Variants in CAPN5 observed in about 807,000 individuals in gnomAD.
CAPN5 encodes calpain-5.
In CAPN5, 54 loss-of-function variants were observed where a neutral mutation model predicts 73.0. The observed-to-expected ratio is 0.74, with a 90% CI of 0.59 to 0.93. The LOEUF (loss-of-function observed/expected upper bound fraction) is 0.93. Ranked by LOEUF, CAPN5 falls within the 40% of genes least tolerant of loss-of-function variation. CAPN5 has a pLI of 0.00. For synonymous variants in CAPN5, 335 were observed against 356.9 expected (o/e 0.94, Z 0.69); for missense variants, 785 against 882.9 (o/e 0.89, Z 1.41).
intron 12 of CAPN5, among the ~76,000 whole-genome samples, chr11:77,123,289 G>GT (rs1436928986): frequency 6.6e-6 from 1 of 152,184 alleles, no homozygotes; most frequent in Non-Finnish European, 1.5e-5. Context: ...GCTTATCCAA[G>GT]TTTTCTTAAC....
chr11:77,093,381 C>G (rs1404155831), intron 2 of CAPN5, among the ~76,000 whole-genome samples: 1 of 152,208 alleles, frequency 6.6e-6, no homozygotes, highest in Non-Finnish European at 1.5e-5. Flanking sequence ...AAGGCAGTGC[C>G]CCGGGTCCAG....
rs184564362 is a variant in CAPN5 at position 77,115,557 on chromosome 11, G to A, written c.862G>A (p.Glu288Lys). The change falls in exon 6 of 13, where the codon GAG (glutamate) becomes AAG (lysine). Residue 288 changes from glutamate (E) to lysine (K), a missense_variant. Glu to Lys is a moderately conservative substitution (Grantham distance 56). Transcript: ENST00000648180. ...GATCCGCCTGCGCAACCCCTGGGGCGAGCGGGAGTGGAACGGGCCCTGGAG... is the reference window on the plus strand; with the variant it reads ...GATCCGCCTGCGCAACCCCTGGGGCAAGCGGGAGTGGAACGGGCCCTGGAG... ...DMIRLRNPWG[E>K]REWNGPWSDT... 3.8e-5 allele frequency: 61 copies of A among 1,612,416 alleles called. No individual in the cohort carries two copies. Among genetic ancestry groups the A allele is most frequent in the Admixed American group, 3.3e-4 (20 of 60,020 alleles).
intron 11 of CAPN5, among the ~76,000 whole-genome samples, 182 bp from the exon 12 acceptor site, chr11:77,122,394 G>A (rs1591151626): frequency 1.3e-5 from 2 of 152,296 alleles, no homozygotes; most frequent in Middle Eastern, 6.8e-3. Context: ...GGAGGCTGGA[G>A]ATGGCCAGTG....
intron 9 of CAPN5, 90 bp downstream of exon 9, chr11:77,119,242 C>T: frequency 7.2e-7 from 1 of 1,393,594 alleles, no homozygotes. Flanking sequence ...CGCTCTAGAA[C>T]ACCTTGGTCA....
chr11:77,078,281 G>T (rs562386403), intron 1 of CAPN5, among the ~76,000 whole-genome samples: 1 of 152,282 alleles, frequency 6.6e-6, no homozygotes, highest in Admixed American at 6.5e-5. Flanking sequence ...TCTGCGTGTG[G>T]ATATCTGGTT....
Position 77,123,791 on chromosome 11 carries a change from G to A in CAPN5, c.1844G>A (p.Arg615Gln), listed in dbSNP as rs143494790. Residue 615 changes from arginine to glutamine, a missense_variant, in exon 13 of 13, where the codon CGA (arginine) becomes CAA (glutamine). Arg to Gln is a conservative substitution (Grantham distance 43). Coordinates refer to ENST00000648180, the MANE Select transcript of CAPN5 (RefSeq NM_004055.5). ...QALHTLHLRD[R>Q]NSRQPSNLPG... ...CTGCATACCCTCCACCTCCGGGACC[G>A]AAATAGCCGGCAGCCCAGCAACCTG... is the stretch of plus-strand genomic sequence containing the variant. The A allele has an allele frequency of 3.9e-4, 622 of 1,613,880 alleles. 2 individuals carry two copies. The African/African-American group carries it at 6.0e-3, about 15-fold the overall frequency.
At chr11:77,069,231 A>G (rs184286863) in intron 1 of CAPN5, among the ~76,000 whole-genome samples, 1 of 152,234 alleles carries the variant, frequency 6.6e-6, no homozygotes, top group Non-Finnish European at 1.5e-5. Context: ...CTGCCTATTC[A>G]CAGGGACTCG....
intron 6 of CAPN5, among the ~76,000 whole-genome samples, chr11:77,115,840 G>C (rs529345138): frequency 5.8e-4 from 88 of 152,128 alleles, no homozygotes; most frequent in Non-Finnish European, 7.2e-4. Flanking sequence ...AGGGGAGCAG[G>C]GAGGGAGGCC....
chr11:77,082,429 T>C (rs781800716), intron 1 of CAPN5, among the ~76,000 whole-genome samples: 10 of 152,190 alleles, frequency 6.6e-5, no homozygotes, highest in Non-Finnish European at 1.5e-4. Context: ...TGCCTCCTGG[T>C]CTATCCGTGG....
At chr11:77,072,314 G>T (rs1295006914) in intron 1 of CAPN5, among the ~76,000 whole-genome samples, 1 of 152,168 alleles carries the variant, frequency 6.6e-6, no homozygotes, top group East Asian at 1.9e-4. Context: ...CCTCCATGCA[G>T]CCGTCCCTGC....
At position 77,093,583 on chromosome 11, in the gene CAPN5, A is replaced by AGTCTGTGTCTGTCAC. The variant is rs3832735; in HGVS notation, c.166-84_166-70dup. 632 of 1,438,776 alleles carry AGTCTGTGTCTGTCAC rather than the reference A, an allele frequency of 4.4e-4. 8 individuals are homozygous for AGTCTGTGTCTGTCAC. The African/African-American group carries it at 7.7e-3, about 18-fold the overall frequency. 89.1% of individuals were successfully genotyped at this position (1,438,776 alleles called of 1,614,324 possible). A position where few individuals can be genotyped will look rare whatever the true frequency, so the allele number is the denominator to read the frequency against. ...TCACCATGCTGATGATCACACAGCA[A>AGTCTGTGTCTGTCAC]GTCTGTGTCTGTCACGTCTGTGTCT... On this transcript the variant is annotated intron_variant, in intron 2 of 12. Coordinates refer to ENST00000648180, the MANE Select transcript of CAPN5 (RefSeq NM_004055.5).
chr11:77,076,838 T>TA lies in CAPN5; in HGVS notation c.-35-8013dup, dbSNP rs545095807. 2.9e-3 allele frequency among the ~76,000 whole-genome samples: 444 copies of TA among 152,350 alleles called. 2 individuals are homozygous for TA. The highest frequency in any genetic ancestry group is 0.01 in the African/African-American group (423 of 41,580). On this transcript the variant is annotated intron_variant, in intron 1 of 12. Coordinates refer to ENST00000648180, the MANE Select transcript of CAPN5 (RefSeq NM_004055.5). Reference sequence around the variant, plus strand: ...GCTGCAGTGAACATGGGAGTGCAGATATGTTTTCAACATACTGACTTCATT... The same window carrying TA: ...GCTGCAGTGAACATGGGAGTGCAGATAATGTTTTCAACATACTGACTTCATT...
intron 12 of CAPN5, 47 bp from the exon 13 acceptor site, chr11:77,123,641 G>C: frequency 6.6e-7 from 1 of 1,514,142 alleles, no homozygotes; most frequent in Non-Finnish European, 9.1e-7. Context: ...TATATTGCTG[G>C]TCTTGGAGGT....
At chr11:77,114,113 C>G in intron 4 of CAPN5, 129 bp from the exon 5 acceptor site, 2 of 768,100 alleles carry the variant, frequency 2.6e-6, no homozygotes, top group Admixed American at 4.3e-5. Context: ...GTTGGCTCCG[C>G]CGTGGCCTGC....
rs78978489 is a variant in CAPN5, at chr11:77,116,078, G to A, written c.894-148G>A. 1.0e-5 allele frequency: 7 copies of A among 692,842 alleles called. No homozygotes were observed. The African/African-American group carries it at 1.2e-4, about 12-fold the overall frequency. The allele number at this position is 692,842 out of a possible 1,614,324, so 42.9% of individuals were successfully genotyped here. Reference sequence around the variant, plus strand: ...GGCAGGGCTTCCTGGAGAGGGGCTGGGCATGGCCTCAGTGCCCCTGGCCAC... The same window carrying A: ...GGCAGGGCTTCCTGGAGAGGGGCTGAGCATGGCCTCAGTGCCCCTGGCCAC... On this transcript the variant is annotated intron_variant, in intron 6 of 12. Coordinates refer to ENST00000648180, the MANE Select transcript of CAPN5 (RefSeq NM_004055.5).
At chr11:77,083,990 A>G (rs1262335582) in intron 1 of CAPN5, among the ~76,000 whole-genome samples, 1 of 152,168 alleles carries the variant, frequency 6.6e-6, no homozygotes, top group Non-Finnish European at 1.5e-5. Context: ...TAGATCGGGG[A>G]CTGTGGAGCT....
intron 3 of CAPN5, chr11:77,102,756 C>G (rs1950299000): frequency 2.1e-6 from 3 of 1,432,566 alleles, no homozygotes; most frequent in African/African-American, 1.4e-5. Context: ...TAGGTGGGGC[C>G]CCCCTTTGGT....
At position 77,067,047 on chromosome 11, in the gene CAPN5, C is replaced by T. The variant is rs1949848836; in HGVS notation, c.-83C>T. 6.6e-6 allele frequency: 1 copy of T among 152,236 alleles called. No individual in the cohort carries two copies. Among genetic ancestry groups the T allele is most frequent in the Admixed American group, 6.5e-5 (1 of 15,284 alleles). The allele number at this position is 152,236 out of a possible 1,614,324, so 9.4% of individuals were successfully genotyped here. A position where few individuals can be genotyped will look rare whatever the true frequency, so the allele number is the denominator to read the frequency against. On this transcript the variant is annotated 5_prime_UTR_variant, in exon 1 of 13. Coordinates refer to ENST00000648180, the MANE Select transcript of CAPN5 (RefSeq NM_004055.5). ...GCAGCCTCCGCTCCAGCGCCCGCGC[C>T]GTGCCCTGCATCCCGGGAGCCCGGC...
intron 1 of CAPN5, chr11:77,073,117 T>C (rs1280538293): frequency 1.6e-6 from 2 of 1,289,690 alleles, no homozygotes; most frequent in Admixed American, 4.6e-5. Flanking sequence ...CAGGACCTGG[T>C]GCTGGACTGG....
Sources: allele counts gnomAD v4.1 joint callset (sites outside exome capture counted in the v4.1 genomes callset), GRCh38; gene constraint gnomAD v4.1.1; transcripts MANE v1.5; gene names NCBI Gene and HGNC (gene_info 2026-07-23, HGNC 2026-07-21).